The following ARRB1 variants were observed in gnomAD, a reference collection of about 807,000 sequenced individuals.
The protein encoded by ARRB1 is arrestin beta 1.
A neutral mutation model predicts 56.8 loss-of-function variants in ARRB1; 21 were observed. The observed-to-expected ratio is 0.37, with a 90% CI of 0.26 to 0.53. The LOEUF (loss-of-function observed/expected upper bound fraction) is 0.53. Ranked by LOEUF, ARRB1 falls within the 20% of genes least tolerant of loss-of-function variation. ARRB1 has a pLI of 0.88. For synonymous variants in ARRB1, 210 were observed against 218.6 expected (o/e 0.96, Z 0.35); for missense variants, 424 against 553.7 (o/e 0.77, Z 2.35).
chr11:75,333,371 C>CAAGA (rs1947549978), intron 1 of ARRB1, among the ~76,000 whole-genome samples: 1 of 152,196 alleles, frequency 6.6e-6, no homozygotes, highest in Admixed American at 6.5e-5. Flanking sequence ...TCTTTGGGCC[C>CAAGA]AGTGCAGCTT....
At chr11:75,316,188 A>G (rs1042473661) in intron 1 of ARRB1, among the ~76,000 whole-genome samples, 1 of 152,120 alleles carries the variant, frequency 6.6e-6, no homozygotes, top group Non-Finnish European at 1.5e-5. Flanking sequence ...TTAGCCAGGC[A>G]TGATGGCGGG....
In ARRB1 at chr11:75,261,790, C is replaced by A. The variant is rs946813019; in HGVS notation, c.*4373G>T. ...GAGCTGCCTGGGCCAGGAGGAAACA[C>A]CAAGCCCAGTGCAGGCCGTATAGAT... On this transcript the variant is annotated 3_prime_UTR_variant, in exon 16 of 16. Transcript: ENST00000420843. 2 of 152,234 alleles carry A rather than the reference C, an allele frequency of 1.3e-5. No homozygotes were observed. The highest frequency in any genetic ancestry group is 2.9e-5 in the Non-Finnish European group (2 of 68,070). 9.4% of individuals were successfully genotyped at this position (152,234 alleles called of 1,614,324 possible).
At chr11:75,301,061 T>G (rs1208445763) in intron 1 of ARRB1, among the ~76,000 whole-genome samples, 7 of 150,526 alleles carry the variant, frequency 4.7e-5, no homozygotes, top group Admixed American at 2.0e-4. Flanking sequence ...GGAGAATCGC[T>G]TGAACCCAGG....
At chr11:75,288,393 T>G (rs1946531133) in intron 2 of ARRB1, among the ~76,000 whole-genome samples, 1 of 152,036 alleles carries the variant, frequency 6.6e-6, no homozygotes, top group Non-Finnish European at 1.5e-5. Context: ...CGAGACAGAA[T>G]TCCAGCGGCT....
chr11:75,292,601 G>A (rs763916714), intron 1 of ARRB1, among the ~76,000 whole-genome samples: 7 of 152,130 alleles, frequency 4.6e-5, no homozygotes, highest in Non-Finnish European at 7.4e-5. Context: ...AAGTGGCACC[G>A]GCCACAAGGG....
At position 75,264,911 on chromosome 11, in the gene ARRB1, A is replaced by G. The variant is rs1310434572; in HGVS notation, c.*1252T>C. ...GGCTTCTTGCCCCAGGAACTGCCCCAGGTCTCAATCAACCCAACACCAGCT... is the reference window on the plus strand; with the variant it reads ...GGCTTCTTGCCCCAGGAACTGCCCCGGGTCTCAATCAACCCAACACCAGCT... On this transcript the variant is annotated 3_prime_UTR_variant, in exon 16 of 16. Coordinates refer to ENST00000420843, the MANE Select transcript of ARRB1 (RefSeq NM_004041.5). 2 of 152,326 alleles carry G rather than the reference A, an allele frequency of 1.3e-5. No individual in the cohort carries two copies. Among genetic ancestry groups the G allele is most frequent in the East Asian group, 3.9e-4 (2 of 5,184 alleles). The allele number at this position is 152,326 out of a possible 1,614,324, so 9.4% of individuals were successfully genotyped here. A position where few individuals can be genotyped will look rare whatever the true frequency, so the allele number is the denominator to read the frequency against.
At position 75,266,206 on chromosome 11, in the gene ARRB1, T is replaced by C; in HGVS notation, c.1214A>G (p.Glu405Gly). ...TGGAGAGCCGGTACCATCCTCCTCT[T>C]CCTCCTTGTCATCCTTCATGCCTTT... ...RLKGMKDDKE[E>G]EEDGTGSPQL... The change falls in exon 16 of 16, where the codon GAA (glutamate) becomes GGA (glycine). Residue 405 changes from glutamate to glycine, a missense_variant. Transcript: ENST00000420843. The C allele has an allele frequency of 6.2e-7, 1 of 1,614,194 alleles. No individual in the cohort carries two copies. Among genetic ancestry groups the C allele is most frequent in the South Asian group, 1.1e-5 (1 of 91,076 alleles).
rs181293398 is a variant in ARRB1, at chr11:75,260,662, G to A, written c.*5501C>T. 7.2e-4 allele frequency: 110 copies of A among 152,328 alleles called. 1 individual carries two copies. In the South Asian group the frequency reaches 0.011, roughly 16 times the overall value. The allele number at this position is 152,328 out of a possible 1,614,324, so 9.4% of individuals were successfully genotyped here. ...GGGAAACTAAGGACACACTCGGACCGAATGTAATACACCCGTGTCATGCGC... is the reference window on the plus strand; with the variant it reads ...GGGAAACTAAGGACACACTCGGACCAAATGTAATACACCCGTGTCATGCGC... On this transcript the variant is annotated 3_prime_UTR_variant, in exon 16 of 16. Transcript: ENST00000420843.
At chr11:75,287,454 G>A (rs533059968) in intron 2 of ARRB1, 79 bp from the exon 3 acceptor site, 527 of 1,446,954 alleles carry the variant, frequency 3.6e-4, no homozygotes, top group Non-Finnish European at 4.3e-4. Context: ...GAAACCCTGC[G>A]GGCAGCCTCT....
At position 75,261,250 on chromosome 11, in the gene ARRB1, C is replaced by A. The variant is rs1264194315; in HGVS notation, c.*4913G>T. 1 of 151,832 alleles carries A rather than the reference C, an allele frequency of 6.6e-6. No individual in the cohort carries two copies. Among genetic ancestry groups the A allele is most frequent in the African/African-American group, 2.4e-5 (1 of 41,174 alleles). 9.4% of individuals were successfully genotyped at this position (151,832 alleles called of 1,614,324 possible). On this transcript the variant is annotated 3_prime_UTR_variant, in exon 16 of 16. Coordinates refer to ENST00000420843, the MANE Select transcript of ARRB1 (RefSeq NM_004041.5). ...AATGCTTGTGCCTGGGTCTGTGACCCAAGTTCCAACACAAAGACACTTTGT... is the reference window on the plus strand; with the variant it reads ...AATGCTTGTGCCTGGGTCTGTGACCAAAGTTCCAACACAAAGACACTTTGT...
At chr11:75,341,418 G>A (rs550940453) in intron 1 of ARRB1, among the ~76,000 whole-genome samples, 5 of 152,228 alleles carry the variant, frequency 3.3e-5, no homozygotes, top group African/African-American at 9.6e-5. Context: ...GATTACAGGC[G>A]TCAGCCACCA....
At position 75,265,458 on chromosome 11, in the gene ARRB1, C is replaced by T. The variant is rs1330770624; in HGVS notation, c.*705G>A. The T allele has an allele frequency of 6.6e-6, 1 of 152,292 alleles. No individual in the cohort carries two copies. Among genetic ancestry groups the T allele is most frequent in the East Asian group, 1.9e-4 (1 of 5,184 alleles). 9.4% of individuals were successfully genotyped at this position (152,292 alleles called of 1,614,324 possible). A position where few individuals can be genotyped will look rare whatever the true frequency, so the allele number is the denominator to read the frequency against. On this transcript the variant is annotated 3_prime_UTR_variant, in exon 16 of 16. Transcript: ENST00000420843. ...AGGTAGCTAAGATGTCACAGCCTGA[C>T]AGTACTGAAATATACTTGGGTGAGT... is the stretch of plus-strand genomic sequence containing the variant.
intron 1 of ARRB1, among the ~76,000 whole-genome samples, chr11:75,332,785 C>T (rs1195770681): frequency 6.6e-6 from 1 of 152,232 alleles, no homozygotes; most frequent in East Asian, 1.9e-4. Context: ...GTCCCAGCTA[C>T]TCAGGAGGCT....
chr11:75,289,461 G>A (rs1299886262), intron 2 of ARRB1, among the ~76,000 whole-genome samples: 1 of 152,198 alleles, frequency 6.6e-6, no homozygotes, highest in Non-Finnish European at 1.5e-5. Flanking sequence ...GGCTGTGAGA[G>A]GCACAGACTG....
Position 75,282,605 on chromosome 11 carries a change from G to T in ARRB1, c.355-584C>A, listed in dbSNP as rs554712772. On this transcript the variant is annotated intron_variant, in intron 5 of 15. Transcript: ENST00000420843. ...CCTCCAGAGGAGCCAGCCCTGCCAC[G>T]CCTCCATGGTAGCCCACTGAGACCT... Among the ~76,000 whole-genome samples the T allele has an allele frequency of 3.3e-5, 5 of 152,334 alleles. No individual in the cohort carries two copies. In the East Asian group the frequency reaches 9.6e-4, roughly 29 times the overall value.
intron 7 of ARRB1, among the ~76,000 whole-genome samples, chr11:75,280,528 C>A (rs1379860118): frequency 6.6e-6 from 1 of 152,208 alleles, no homozygotes. Context: ...TGGCTGCCAG[C>A]CTGGGCTCTC....
At chr11:75,339,624 C>T (rs1947665568) in intron 1 of ARRB1, among the ~76,000 whole-genome samples, 1 of 152,212 alleles carries the variant, frequency 6.6e-6, no homozygotes, top group Non-Finnish European at 1.5e-5. Flanking sequence ...GGGGAGCTGC[C>T]TCTGATCCTT....
chr11:75,304,437 G>GA lies in ARRB1; in HGVS notation c.21-14399dup, dbSNP rs148649394. On this transcript the variant is annotated intron_variant, in intron 1 of 15. Transcript: ENST00000420843. ...TTTTTCCAGGGAAATAGTTGTGGGGGAAAAAAACTGCCTTATATTTATCTG... is the reference window on the plus strand; with the variant it reads ...TTTTTCCAGGGAAATAGTTGTGGGGGAAAAAAAACTGCCTTATATTTATCTG... Among the ~76,000 whole-genome samples the GA allele has an allele frequency of 5.3e-5, 8 of 151,894 alleles. No individual in the cohort carries two copies. In the South Asian group the frequency reaches 1.2e-3, roughly 24 times the overall value.
chr11:75,316,095 A>G (rs1198229253), intron 1 of ARRB1, among the ~76,000 whole-genome samples: 2 of 152,190 alleles, frequency 1.3e-5, no homozygotes, highest in Admixed American at 6.5e-5. Flanking sequence ...TAGGAGGCCG[A>G]GGCAGACAGA....
Sources: allele counts gnomAD v4.1 joint callset (sites outside exome capture counted in the v4.1 genomes callset), GRCh38; gene constraint gnomAD v4.1.1; transcripts MANE v1.5; gene names NCBI Gene and HGNC (gene_info 2026-07-23, HGNC 2026-07-21).